GPATCH11: variants seen among roughly 807,000 people sequenced by gnomAD.
GPATCH11 encodes the protein G-patch domain containing 11.
A neutral mutation model predicts 44.8 loss-of-function variants in GPATCH11; 32 were observed. The observed-to-expected ratio is 0.71, with a 90% CI of 0.54 to 0.96. GPATCH11 has a LOEUF of 0.96. GPATCH11 is among the 40% of genes least tolerant of loss of function. GPATCH11 has a pLI of 0.00. For synonymous variants in GPATCH11, 84 were observed against 94.4 expected, an observed-to-expected ratio of 0.89 and a Z score of 0.64; for missense variants, 324 against 303.1, an observed-to-expected ratio of 1.07 and a Z score of -0.51.
At chr2:37,093,979 C>T in intron 6 of GPATCH11, 103 bp from the exon 7 acceptor site, 2 of 774,602 alleles carry the variant, frequency 2.6e-6, no homozygotes, top group Non-Finnish European at 4.4e-6. Context: ...TAAAGCCACA[C>T]TCAGTGAATA....
chr2:37,094,172 G>A lies in GPATCH11; in HGVS notation c.631G>A (p.Glu211Lys), dbSNP rs1187359954. The A allele has an allele frequency of 2.6e-6, 4 of 1,559,562 alleles. No individual in the cohort carries two copies. In the Admixed American group the frequency reaches 5.8e-5, roughly 23 times the overall value. The part of the protein sequence containing the change: ...DEEEKEQDED[E>K]YKSEDLSVLE... ...AGAAGAAAAAGAACAGGATGAAGAT[G>A]AATATAAGAGTGAAGATTTAAGCGT... The change falls in exon 7 of 9, where the codon GAA (glutamate) becomes AAA (lysine). Residue 211 changes from glutamate to lysine, a missense_variant. By Grantham distance (56) the Glu-to-Lys change is moderately conservative (BLOSUM62 1). Coordinates refer to ENST00000674370, the MANE Select transcript of GPATCH11 (RefSeq NM_174931.4).
At chr2:37,089,534 T>C in intron 2 of GPATCH11, 106 bp from the exon 3 acceptor site, 1 of 832,994 alleles carries the variant, frequency 1.2e-6, no homozygotes, top group Non-Finnish European at 1.9e-6. Context: ...GCCATTGCAT[T>C]ACAGCCCGGG....
intron 1 of GPATCH11, among the ~76,000 whole-genome samples, chr2:37,085,986 A>G (rs538515126): frequency 8.5e-5 from 13 of 152,316 alleles, no homozygotes; most frequent in South Asian, 2.1e-4. Context: ...CCTTCTCCAT[A>G]GAGCTTCTTG....
At chr2:37,091,824 T>G in intron 4 of GPATCH11, 92 bp from the exon 5 acceptor site, 1 of 1,215,490 alleles carries the variant, frequency 8.2e-7, no homozygotes, top group Non-Finnish European at 1.1e-6. Context: ...AGTACTCAAA[T>G]GAGAATTGCA....
At chr2:37,092,324 T>TTATA (rs1011539467) in intron 6 of GPATCH11, 69 bp downstream of exon 6, 11 of 271,248 alleles carry the variant, frequency 4.1e-5, no homozygotes, top group African/African-American at 2.3e-4. Flanking sequence ...CGTTTATTTA[T>TTATA]TATATATATA....
At position 37,089,849 on chromosome 2, in the gene GPATCH11, A is replaced by G. The variant is rs925000684; in HGVS notation, c.269A>G (p.Gln90Arg). The change falls in exon 3 of 9, where the codon CAG becomes CGG. Residue 90 changes from glutamine to arginine, a missense_variant. Transcript: ENST00000674370. Reference sequence around the variant, plus strand: ...CAAAAGATGGGCTATAAAAGTGGTCAGGCACTTGGCAAGAGTGGTAAGTCA... The same window carrying G: ...CAAAAGATGGGCTATAAAAGTGGTCGGGCACTTGGCAAGAGTGGTAAGTCA... The part of the protein sequence containing the change: ...LLQKMGYKSG[Q>R]ALGKSGGGIV... 1.0e-5 allele frequency: 16 copies of G among 1,551,092 alleles called. No homozygotes were observed. The highest frequency in any genetic ancestry group is 1.4e-5 in the African/African-American group (1 of 73,048).
rs1180107769 is a variant in GPATCH11 at position 37,097,614 on chromosome 2, T to C, written c.*1351T>C. On this transcript the variant is annotated 3_prime_UTR_variant, in exon 9 of 9. Transcript: ENST00000674370. ...CTGTGTGATTTTATAGCTCACCTGT[T>C]AGTTAGATTGAGCAAGAGAACAACC... 6.6e-6 allele frequency: 1 copy of C among 152,234 alleles called. No individual in the cohort carries two copies. Among genetic ancestry groups the C allele is most frequent in the East Asian group, 1.9e-4 (1 of 5,196 alleles). The allele number at this position is 152,234 out of a possible 1,614,324, so 9.4% of individuals were successfully genotyped here.
chr2:37,094,398 G>A (rs570524042), intron 7 of GPATCH11: 9 of 445,934 alleles, frequency 2.0e-5, no homozygotes, highest in Admixed American at 1.4e-4. Context: ...AAATGTCCCC[G>A]AGGGGAAAAA....
rs546580812 is a variant in GPATCH11, at chr2:37,085,788, G to A, written c.-14+1218G>A. Reference sequence around the variant, plus strand: ...TTATCTCACAGTTTCTATGGGTCAGGAATTTGTTAGCAGCTTAGCTTAGTT... The same window carrying A: ...TTATCTCACAGTTTCTATGGGTCAGAAATTTGTTAGCAGCTTAGCTTAGTT... On this transcript the variant is annotated intron_variant, in intron 1 of 8. Coordinates refer to ENST00000674370, the MANE Select transcript of GPATCH11 (RefSeq NM_174931.4). 3.3e-5 allele frequency among the ~76,000 whole-genome samples: 5 copies of A among 152,292 alleles called. No homozygotes were observed. The South Asian group carries it at 1.0e-3, about 32-fold the overall frequency.
Position 37,099,195 on chromosome 2 carries a change from C to T in GPATCH11, c.*2932C>T, listed in dbSNP as rs1005934875. 15 of 152,236 alleles carry T rather than the reference C, an allele frequency of 9.9e-5. No homozygotes were observed. The highest frequency in any genetic ancestry group is 3.4e-3 in the Middle Eastern group (1 of 292). 9.4% of individuals were successfully genotyped at this position (152,236 alleles called of 1,614,324 possible). On this transcript the variant is annotated 3_prime_UTR_variant, in exon 9 of 9. Coordinates refer to ENST00000674370, the MANE Select transcript of GPATCH11 (RefSeq NM_174931.4). ...TAGTTTCTGAAATTCAAAATAAATA[C>T]TTTAACATACCAAATTGGTTTTTCT...
chr2:37,091,707 C>G (rs181764323), intron 4 of GPATCH11, among the ~76,000 whole-genome samples: 1 of 151,742 alleles, frequency 6.6e-6, no homozygotes, highest in Admixed American at 6.6e-5. Context: ...TATAATATTA[C>G]TATAAGATGA....
At chr2:37,086,221 A>G (rs1673034902) in intron 1 of GPATCH11, among the ~76,000 whole-genome samples, 1 of 152,220 alleles carries the variant, frequency 6.6e-6, no homozygotes, top group Admixed American at 6.5e-5. Context: ...AGGGTACCAC[A>G]TGGTTACAAG....
In GPATCH11 at chr2:37,092,203, AAGG is replaced by A. The variant is rs752352489; in HGVS notation, c.491_493del (p.Gly164del). 39 of 1,560,408 alleles carry A rather than the reference AAGG, an allele frequency of 2.5e-5. No individual in the cohort carries two copies. The highest frequency in any genetic ancestry group is 3.2e-5 in the Non-Finnish European group (37 of 1,158,870). ...AATAAGCAAGATGAAATGAAGCTAGAAGGAGATCTCAGAAGAAGCCAGCGAGCC... is the reference window on the plus strand; with the variant it reads ...AATAAGCAAGATGAAATGAAGCTAGAAGATCTCAGAAGAAGCCAGCGAGCC... On this transcript the variant is annotated inframe_deletion, in exon 6 of 9. Transcript: ENST00000674370.
Position 37,089,631 on chromosome 2 carries a change from C to G in GPATCH11, c.60-9C>G, listed in dbSNP as rs1289423099. On this transcript the variant is annotated splice_polypyrimidine_tract_variant and intron_variant, in intron 2 of 8. Transcript: ENST00000674370. ...GGACTCATCTAAAATAAACTTTTCC[C>G]TTATTCAGAGAAGATATCAGACCAG... 5 of 1,536,994 alleles carry G rather than the reference C, an allele frequency of 3.3e-6. No homozygotes were observed. In the Admixed American group the frequency reaches 6.0e-5, roughly 18 times the overall value.
chr2:37,095,375 A>G, intron 7 of GPATCH11, 62 bp from the exon 8 acceptor site: 1 of 1,538,286 alleles, frequency 6.5e-7, no homozygotes, highest in Non-Finnish European at 8.7e-7. Context: ...GCACGATCTA[A>G]GAGCCAGAAA....
In GPATCH11 at chr2:37,097,221, C is replaced by T. The variant is rs139311472; in HGVS notation, c.*958C>T. 20 of 152,290 alleles carry T rather than the reference C, an allele frequency of 1.3e-4. No individual in the cohort carries two copies. Among genetic ancestry groups the T allele is most frequent in the African/African-American group, 4.3e-4 (18 of 41,554 alleles). 9.4% of individuals were successfully genotyped at this position (152,290 alleles called of 1,614,324 possible). Reference sequence around the variant, plus strand: ...CAACCTTTGCTTTTATTCTTCCAGCCACAGAGAACTCACTGCTTTAAAACC... The same window carrying T: ...CAACCTTTGCTTTTATTCTTCCAGCTACAGAGAACTCACTGCTTTAAAACC... On this transcript the variant is annotated 3_prime_UTR_variant, in exon 9 of 9. Coordinates refer to ENST00000674370, the MANE Select transcript of GPATCH11 (RefSeq NM_174931.4).
chr2:37,090,630 C>G, intron 3 of GPATCH11, 51 bp from the exon 4 acceptor site: 1 of 1,004,350 alleles, frequency 1.0e-6, no homozygotes, highest in Non-Finnish European at 1.5e-6. Context: ...TTATACTGTT[C>G]TGTAGTTTGA....
chr2:37,095,294 AG>A, intron 7 of GPATCH11, 142 bp from the exon 8 acceptor site: 1 of 992,188 alleles, frequency 1.0e-6, no homozygotes, highest in African/African-American at 1.7e-5. Flanking sequence ...CGAATATATC[AG>A]TTCTGTCCTT....
chr2:37,095,353 T>C, intron 7 of GPATCH11, 84 bp from the exon 8 acceptor site: 1 of 1,470,754 alleles, frequency 6.8e-7, no homozygotes, highest in Non-Finnish European at 9.0e-7. Context: ...TTTACAGCCT[T>C]GAGCTAATTC....
Sources: gnomAD v4.1 joint callset for allele counts (sites outside exome capture counted in the v4.1 genomes callset) on GRCh38, gnomAD v4.1.1 for gene constraint, MANE v1.5 for transcripts, NCBI Gene and HGNC (gene_info 2026-07-23, HGNC 2026-07-21) for gene names.